The following ASPRV1 variants were observed in gnomAD, a reference collection of about 807,000 sequenced individuals.
The protein encoded by ASPRV1 is aspartic peptidase retroviral like 1.
A neutral mutation model predicts 11.0 loss-of-function variants in ASPRV1; 7 were observed. The observed-to-expected ratio is 0.64, with a 90% CI of 0.36 to 1.20. The LOEUF is 1.20. Among genes scored for constraint, ASPRV1 ranks in the 50% most tolerant of loss-of-function variants. ASPRV1 has a pLI of 0.02. For missense variants in ASPRV1, 299 were observed against 320.0 expected (o/e 0.93, Z 0.50); for synonymous variants, 136 against 138.4 (o/e 0.98, Z 0.12).
At chr2:70,045,308 C>G in the ASPRV1 span, 2 of 152,202 alleles carry the variant, frequency 1.3e-5, no homozygotes, top group African/African-American at 2.4e-5. Flanking sequence ...AGTTACATAA[C>G]TTCTTTGACT....
At chr2:69,944,952 C>T in the ASPRV1 span, among the ~76,000 whole-genome samples, 4 of 152,168 alleles carry the variant, frequency 2.6e-5, no homozygotes, top group Non-Finnish European at 4.4e-5. Flanking sequence ...CCGTACATGA[C>T]TTCTACTTAG....
At chr2:70,062,559 T>C in the ASPRV1 span, among the ~76,000 whole-genome samples, 2 of 152,176 alleles carry the variant, frequency 1.3e-5, no homozygotes, top group East Asian at 1.9e-4. Context: ...AGGCCCTTAC[T>C]TGAAGCTGGC....
the ASPRV1 span, chr2:70,069,003 T>C: frequency 7.0e-6 from 1 of 142,266 alleles, no homozygotes; most frequent in Admixed American, 7.0e-5. Flanking sequence ...AAGGCAGAGA[T>C]CATGGGCAGC....
the ASPRV1 span, among the ~76,000 whole-genome samples, chr2:69,973,341 GA>G: frequency 5.9e-5 from 9 of 151,750 alleles, no homozygotes; most frequent in Admixed American, 5.9e-4. Context: ...CAACTAGCAA[GA>G]AAAAAGTGAA....
the ASPRV1 span, among the ~76,000 whole-genome samples, chr2:70,084,881 G>A: frequency 6.6e-6 from 1 of 152,096 alleles, no homozygotes; most frequent in Non-Finnish European, 1.5e-5. Context: ...TTAAATGTTC[G>A]TAGAGTTATA....
the ASPRV1 span, among the ~76,000 whole-genome samples, chr2:69,954,080 T>C: frequency 1.1e-4 from 16 of 152,216 alleles, no homozygotes. Context: ...TCTATGAGTT[T>C]GTAAACTGAG....
chr2:70,028,948 TAAA>T, the ASPRV1 span, among the ~76,000 whole-genome samples: 1 of 135,096 alleles, frequency 7.4e-6, no homozygotes, highest in African/African-American at 3.9e-5. Context: ...TCCAAAAAAA[TAAA>T]TAAATAAAAT....
the ASPRV1 span, among the ~76,000 whole-genome samples, chr2:70,013,992 T>C: frequency 5.2e-3 from 786 of 152,336 alleles, 6 homozygotes; most frequent in African/African-American, 0.018. Context: ...AATACTAATT[T>C]TAATGTTTAT....
At chr2:69,954,118 C>T in the ASPRV1 span, among the ~76,000 whole-genome samples, 2 of 152,194 alleles carry the variant, frequency 1.3e-5, no homozygotes, top group Non-Finnish European at 2.9e-5. Context: ...GATGCAGATG[C>T]CATCAAGTCA....
At chr2:70,039,506 G>A in the ASPRV1 span, among the ~76,000 whole-genome samples, 4 of 152,162 alleles carry the variant, frequency 2.6e-5, no homozygotes, top group South Asian at 2.1e-4. Flanking sequence ...TAGCTGATGG[G>A]TTATACTAGG....
the ASPRV1 span, among the ~76,000 whole-genome samples, chr2:69,991,746 A>G: frequency 2.6e-5 from 4 of 152,230 alleles, no homozygotes; most frequent in African/African-American, 9.6e-5. Flanking sequence ...GGGTTTCACC[A>G]TGTTGGCCAG....
the ASPRV1 span, among the ~76,000 whole-genome samples, chr2:69,952,838 C>A: frequency 6.6e-6 from 1 of 152,166 alleles, no homozygotes; most frequent in African/African-American, 2.4e-5. Context: ...TGCCTTAGAC[C>A]TGTCCCTCTC....
At chr2:70,011,343 C>G in the ASPRV1 span, among the ~76,000 whole-genome samples, 1 of 151,670 alleles carries the variant, frequency 6.6e-6, no homozygotes, top group Non-Finnish European at 1.5e-5. Context: ...AGGTTGAAAA[C>G]AGGGGGCAGG....
At chr2:70,011,915 C>T in the ASPRV1 span, 3,702 of 152,844 alleles carry the variant, frequency 0.024, 348 homozygotes, top group Admixed American at 0.17. Flanking sequence ...CTGAAAGCAG[C>T]ATCACCGCTA....
the ASPRV1 span, chr2:69,993,298 G>C: frequency 6.6e-6 from 1 of 152,320 alleles, no homozygotes; most frequent in African/African-American, 2.4e-5. Flanking sequence ...GGCTACTTAG[G>C]CCATCCCACC....
chr2:69,937,004 G>C, the ASPRV1 span: 1 of 645,544 alleles, frequency 1.5e-6, no homozygotes, highest in South Asian at 1.5e-5. Context: ...CTCACCCCCA[G>C]AATCCCTGTG....
chr2:70,086,629 C>A, the ASPRV1 span: 2 of 152,268 alleles, frequency 1.3e-5, no homozygotes, highest in African/African-American at 4.8e-5. Context: ...GGCCGGCAGC[C>A]CCTGAACAAA....
chr2:70,055,305 C>CT, the ASPRV1 span, among the ~76,000 whole-genome samples: 3 of 151,858 alleles, frequency 2.0e-5, no homozygotes, highest in African/African-American at 7.3e-5. Context: ...AAGACTCCGT[C>CT]TCAAAAAAAA....
At chr2:70,023,347 G>A in the ASPRV1 span, among the ~76,000 whole-genome samples, 2 of 152,200 alleles carry the variant, frequency 1.3e-5, no homozygotes, top group Non-Finnish European at 2.9e-5. Flanking sequence ...GGAGGGAAGA[G>A]AGGTCTATGC....
Sources: allele counts gnomAD v4.1 joint callset (sites outside exome capture counted in the v4.1 genomes callset), GRCh38; gene constraint gnomAD v4.1.1; transcripts MANE v1.5; gene names NCBI Gene and HGNC (gene_info 2026-07-23, HGNC 2026-07-21).